Variants in CREB3L2 observed in about 807,000 individuals in gnomAD.
CREB3L2 encodes the protein cyclic AMP-responsive element-binding protein 3-like protein 2.
CREB3L2 carries 23 observed loss-of-function variants against 57.2 expected under a neutral mutation model. The ratio of observed to expected loss-of-function variants is 0.40; its 90% CI spans 0.29 to 0.57. The LOEUF is 0.57. CREB3L2 is among the 20% of genes least tolerant of loss of function. CREB3L2 has a pLI of 0.42. For missense variants in CREB3L2, 628 were observed against 634.7 expected (o/e 0.99, Z 0.11); for synonymous variants, 268 against 265.1 (o/e 1.01, Z -0.11).
chr7:137,885,098 A>T lies in CREB3L2; in HGVS notation c.1167T>A (p.Val389=). Residue 389 remains valine, a synonymous_variant, in exon 10 of 12, where the codon GTT becomes GTA. Coordinates refer to ENST00000330387, the MANE Select transcript of CREB3L2 (RefSeq NM_194071.4). ...AGCCTTGAAAGAAGCTGCCGAATGC[A>T]ACGGCAAAGCACAGCACCACAACCT... is the stretch of plus-strand genomic sequence containing the variant. ...CLMVVVLCFA[V]AFGSFFQGYG... 6.2e-7 allele frequency: 1 copy of T among 1,614,196 alleles called. No homozygotes were observed. Among genetic ancestry groups the T allele is most frequent in the Non-Finnish European group, 8.5e-7 (1 of 1,180,012 alleles).
At chr7:137,955,583 C>T (rs917607312) in intron 1 of CREB3L2, among the ~76,000 whole-genome samples, 1 of 152,120 alleles carries the variant, frequency 6.6e-6, no homozygotes, top group Non-Finnish European at 1.5e-5. Context: ...ATTTAACAGG[C>T]ACCCCTGAAA....
At chr7:137,992,586 C>T (rs1312301769) in intron 1 of CREB3L2, among the ~76,000 whole-genome samples, 5 of 152,178 alleles carry the variant, frequency 3.3e-5, no homozygotes, top group African/African-American at 1.2e-4. Context: ...ATCTGCTTTT[C>T]GTCAAAAGAC....
intron 2 of CREB3L2, among the ~76,000 whole-genome samples, chr7:137,920,092 C>T (rs2117225926): frequency 6.6e-6 from 1 of 152,106 alleles, no homozygotes; most frequent in South Asian, 2.1e-4. Flanking sequence ...CAATGAGACC[C>T]TTATTATGTA....
At chr7:137,900,497 A>C (rs1366791127) in intron 8 of CREB3L2, among the ~76,000 whole-genome samples, 1 of 152,170 alleles carries the variant, frequency 6.6e-6, no homozygotes, top group Non-Finnish European at 1.5e-5. Context: ...AAACTAATTT[A>C]AAAAACAATG....
Position 138,001,757 on chromosome 7 carries a change from C to G in CREB3L2, c.-52G>C. 1 of 1,350,772 alleles carries G rather than the reference C, an allele frequency of 7.4e-7. No individual in the cohort carries two copies. Among genetic ancestry groups the G allele is most frequent in the African/African-American group, 1.4e-5 (1 of 69,284 alleles). The allele number at this position is 1,350,772 out of a possible 1,614,324, so 83.7% of individuals were successfully genotyped here. ...GATGCTAAGCGCAGGAGGGGACGCG[C>G]AGAGCTGCCTCGGACCGGCAAGGTT... On this transcript the variant is annotated 5_prime_UTR_variant, in exon 1 of 12. Transcript: ENST00000330387. This position sits in a 1 kb window ranked among gnomAD's most constrained non-coding sequence, Gnocchi z 4.2.
intron 1 of CREB3L2, among the ~76,000 whole-genome samples, chr7:137,946,712 T>C (rs993252044): frequency 2.0e-5 from 3 of 146,840 alleles, no homozygotes; most frequent in African/African-American, 7.5e-5. Context: ...CATTTTTATA[T>C]ATAGTTATAT....
chr7:137,892,844 G>A (rs994414799), intron 8 of CREB3L2, among the ~76,000 whole-genome samples: 22 of 152,082 alleles, frequency 1.4e-4, no homozygotes, highest in African/African-American at 4.8e-4. Context: ...ATCCTGGGAT[G>A]GAGGGCAGGG....
intron 4 of CREB3L2, among the ~76,000 whole-genome samples, chr7:137,912,510 T>C (rs1391358098): frequency 6.6e-6 from 1 of 152,194 alleles, no homozygotes; most frequent in African/African-American, 2.4e-5. Flanking sequence ...CTTGCAATAG[T>C]TGTCATTCAA....
intron 8 of CREB3L2, among the ~76,000 whole-genome samples, chr7:137,892,420 G>A (rs981630283): frequency 6.6e-6 from 1 of 151,922 alleles, no homozygotes; most frequent in Non-Finnish European, 1.5e-5. Context: ...GGAGGCTGAG[G>A]TGAGCGGATC....
chr7:137,990,533 A>T (rs758757198), intron 1 of CREB3L2, among the ~76,000 whole-genome samples: 89 of 152,354 alleles, frequency 5.8e-4, no homozygotes, highest in Middle Eastern at 6.8e-3. Context: ...TGCTTAGACA[A>T]GCAGCTTGTT....
At chr7:137,901,303 TC>T in intron 8 of CREB3L2, 50 bp downstream of exon 8, 3 of 1,149,784 alleles carry the variant, frequency 2.6e-6, no homozygotes, top group East Asian at 4.7e-5. Flanking sequence ...TCCTCTTCCT[TC>T]CCCATCTTCC....
chr7:137,937,534 G>C (rs1800811415), intron 1 of CREB3L2, among the ~76,000 whole-genome samples: 1 of 152,068 alleles, frequency 6.6e-6, no homozygotes, highest in Non-Finnish European at 1.5e-5. Context: ...TGAGGAAAAA[G>C]GTGACCTTGT....
At chr7:137,917,928 C>T (rs988574785) in intron 2 of CREB3L2, among the ~76,000 whole-genome samples, 20 of 151,950 alleles carry the variant, frequency 1.3e-4, no homozygotes, top group African/African-American at 3.6e-4. Context: ...AAGGGGAGGG[C>T]GGGGGAACAA....
chr7:137,989,578 T>C (rs1205376903), intron 1 of CREB3L2, among the ~76,000 whole-genome samples: 1 of 151,946 alleles, frequency 6.6e-6, no homozygotes, highest in African/African-American at 2.4e-5. Context: ...TGGACTATCT[T>C]ATATGGATTA....
intron 6 of CREB3L2, 116 bp downstream of exon 6, chr7:137,905,586 G>A: frequency 1.8e-6 from 2 of 1,113,074 alleles, no homozygotes; most frequent in Non-Finnish European, 2.7e-6. Flanking sequence ...GAAGGGCTGG[G>A]CCTTGGTCTC....
intron 8 of CREB3L2, among the ~76,000 whole-genome samples, chr7:137,894,353 C>T (rs1799578667): frequency 6.6e-6 from 1 of 152,140 alleles, no homozygotes; most frequent in Non-Finnish European, 1.5e-5. Context: ...GTCTACTGAG[C>T]AATAGAATCC....
intron 1 of CREB3L2, among the ~76,000 whole-genome samples, chr7:137,942,746 G>A (rs1046447242): frequency 1.3e-5 from 2 of 152,154 alleles, no homozygotes; most frequent in African/African-American, 4.8e-5. Flanking sequence ...CAAACAGTTT[G>A]AGTATTTTTC....
chr7:137,995,866 T>C (rs983467504), intron 1 of CREB3L2, among the ~76,000 whole-genome samples: 1 of 152,248 alleles, frequency 6.6e-6, no homozygotes, highest in Non-Finnish European at 1.5e-5. Flanking sequence ...TAAAACTCTG[T>C]ACTGCCCTCT....
At chr7:137,972,702 A>AACAACAAC (rs1585668553) in intron 1 of CREB3L2, among the ~76,000 whole-genome samples, 8 of 41,010 alleles carry the variant, frequency 2.0e-4, no homozygotes, top group Non-Finnish European at 8.1e-5. Context: ...AAAAAAAAAA[A>AACAACAAC]AAAAAAAAAA....
Sources: allele counts gnomAD v4.1 joint callset (sites outside exome capture counted in the v4.1 genomes callset), GRCh38; gene constraint gnomAD v4.1.1; non-coding constraint Gnocchi (gnomAD v3.1); transcripts MANE v1.5; gene names NCBI Gene and HGNC (gene_info 2026-07-23, HGNC 2026-07-21).